Variants in HS3ST4 observed in about 807,000 individuals in gnomAD.
HS3ST4 encodes the protein heparan sulfate glucosamine 3-O-sulfotransferase 4.
HS3ST4 carries 17 observed loss-of-function variants against 29.2 expected under a neutral mutation model. That is an observed-to-expected ratio of 0.58 (90% CI 0.40 to 0.87). HS3ST4 has a LOEUF of 0.87. Among genes scored for constraint, HS3ST4 ranks in the 40% least tolerant of loss-of-function variants. The pLI, the probability that HS3ST4 is intolerant of heterozygous loss-of-function variation, is 0.00. For missense variants in HS3ST4, 627 were observed against 634.5 expected (o/e 0.99, Z 0.13); for synonymous variants, 314 against 285.7 (o/e 1.10, Z -1.00).
At chr16:25,854,789 CAA>C (rs34307442) in intron 1 of HS3ST4, among the ~76,000 whole-genome samples, 2 of 138,202 alleles carry the variant, frequency 1.4e-5, no homozygotes, top group Admixed American at 7.2e-5. Flanking sequence ...TGTTTGTTGA[CAA>C]AAAAAAAAAA....
At position 26,102,709 on chromosome 16, in the gene HS3ST4, A is replaced by G. The variant is rs573897857; in HGVS notation, c.735-32903A>G. Among the ~76,000 whole-genome samples, 17 of 152,322 alleles carry G rather than the reference A, an allele frequency of 1.1e-4. No individual in the cohort carries two copies. The South Asian group carries it at 2.1e-3, about 19-fold the overall frequency. ...TCTCTGGGTTTTAGCTTATTTGCTC[A>G]TGTTCTTTCTTGAGGATAAGAAAAG... On this transcript the variant is annotated intron_variant, in intron 1 of 1. Transcript: ENST00000331351.
At position 25,887,544 on chromosome 16, in the gene HS3ST4, T is replaced by A. The variant is rs1182709170; in HGVS notation, c.734+194393T>A. On this transcript the variant is annotated intron_variant, in intron 1 of 1. Transcript: ENST00000331351. ...TTCCCACATATTAATTACTGACTTGTGATGGGCACAGCTGGCTTCTGCAAC... is the reference window on the plus strand; with the variant it reads ...TTCCCACATATTAATTACTGACTTGAGATGGGCACAGCTGGCTTCTGCAAC... 2.0e-5 allele frequency among the ~76,000 whole-genome samples: 3 copies of A among 152,120 alleles called. No individual in the cohort carries two copies. The East Asian group carries it at 5.8e-4, about 29-fold the overall frequency.
chr16:25,877,493 C>T (rs1441255147), intron 1 of HS3ST4, among the ~76,000 whole-genome samples: 1 of 152,150 alleles, frequency 6.6e-6, no homozygotes, highest in Non-Finnish European at 1.5e-5. Context: ...TCCATTACCT[C>T]TCTGGTTATA....
chr16:26,069,554 A>G (rs1254047614), intron 1 of HS3ST4, among the ~76,000 whole-genome samples: 2 of 150,604 alleles, frequency 1.3e-5, no homozygotes, highest in African/African-American at 4.9e-5. Context: ...TCTTTTATAT[A>G]TATATATTTT....
At chr16:26,058,271 G>A (rs1161345091) in intron 1 of HS3ST4, among the ~76,000 whole-genome samples, 4 of 152,186 alleles carry the variant, frequency 2.6e-5, no homozygotes, top group African/African-American at 9.6e-5. Context: ...CAGTATCTGG[G>A]CATCAGCTCA....
intron 1 of HS3ST4, among the ~76,000 whole-genome samples, chr16:26,011,014 G>A (rs143023199): frequency 0.019 from 2,897 of 152,262 alleles, 51 homozygotes; most frequent in Middle Eastern, 0.037. Context: ...TCCACACAGT[G>A]TTCTGCCTAT....
chr16:26,118,327 G>A (rs1899225877), intron 1 of HS3ST4, among the ~76,000 whole-genome samples: 1 of 152,162 alleles, frequency 6.6e-6, no homozygotes, highest in South Asian at 2.1e-4. Context: ...CAATCCTTCT[G>A]CCTTGGACTC....
intron 1 of HS3ST4, among the ~76,000 whole-genome samples, chr16:26,120,707 C>T (rs1054828690): frequency 6.6e-6 from 1 of 152,132 alleles, no homozygotes; most frequent in African/African-American, 2.4e-5. Context: ...CATGATTGAC[C>T]CCAGCAACGC....
At chr16:25,994,114 C>T (rs1376920653) in intron 1 of HS3ST4, among the ~76,000 whole-genome samples, 1 of 151,884 alleles carries the variant, frequency 6.6e-6, no homozygotes, top group Admixed American at 6.6e-5. Context: ...TAATTACCTC[C>T]CAAAGGCTCC....
At position 25,692,188 on chromosome 16, in the gene HS3ST4, C is replaced by A. The variant is rs1966252913; in HGVS notation, c.-230C>A. 1 of 149,362 alleles carries A rather than the reference C, an allele frequency of 6.7e-6. No individual in the cohort carries two copies. Among genetic ancestry groups the A allele is most frequent in the African/African-American group, 2.5e-5 (1 of 40,768 alleles). 9.3% of individuals were successfully genotyped at this position (149,362 alleles called of 1,614,324 possible). On this transcript the variant is annotated 5_prime_UTR_variant, in exon 1 of 2. Coordinates refer to ENST00000331351, the MANE Select transcript of HS3ST4 (RefSeq NM_006040.3). ...GGCGGTGGTGGGGGGGCCACCCGGA[C>A]TCGGCGGGCAGCGTGGGGCGGGGGG...
chr16:25,713,546 A>G (rs967520077), intron 1 of HS3ST4, among the ~76,000 whole-genome samples: 1 of 150,768 alleles, frequency 6.6e-6, no homozygotes, highest in African/African-American at 2.5e-5. Flanking sequence ...ACAAACAAAC[A>G]AACAAACAAA....
chr16:26,025,639 A>G (rs1323606373), intron 1 of HS3ST4, among the ~76,000 whole-genome samples: 2 of 152,222 alleles, frequency 1.3e-5, no homozygotes, highest in African/African-American at 2.4e-5. Flanking sequence ...GGCAAATGCT[A>G]AAGGCTAGGG....
intron 1 of HS3ST4, among the ~76,000 whole-genome samples, chr16:25,837,370 A>G (rs1267626761): frequency 1.3e-5 from 2 of 152,218 alleles, no homozygotes; most frequent in Non-Finnish European, 2.9e-5. Flanking sequence ...TTTTTGCTGG[A>G]TAAGGAATAT....
chr16:25,729,048 A>T (rs1470701807), intron 1 of HS3ST4, among the ~76,000 whole-genome samples: 1 of 152,026 alleles, frequency 6.6e-6, no homozygotes, highest in Non-Finnish European at 1.5e-5. Flanking sequence ...GCACCACTGC[A>T]CTCCAGCCTG....
chr16:25,704,579 T>C (rs1706427642), intron 1 of HS3ST4, among the ~76,000 whole-genome samples: 1 of 152,186 alleles, frequency 6.6e-6, no homozygotes, highest in South Asian at 2.1e-4. Context: ...CTGCCTCTAG[T>C]AGCTGGACTA....
At chr16:25,811,418 T>G (rs1967040209) in intron 1 of HS3ST4, among the ~76,000 whole-genome samples, 1 of 139,548 alleles carries the variant, frequency 7.2e-6, no homozygotes, top group Non-Finnish European at 1.5e-5. Context: ...AACATTTTCT[T>G]CTTCTTTTTT....
intron 1 of HS3ST4, among the ~76,000 whole-genome samples, chr16:25,726,057 G>A (rs1966532853): frequency 6.6e-6 from 1 of 152,092 alleles, no homozygotes; most frequent in Non-Finnish European, 1.5e-5. Context: ...TACATTTTCT[G>A]TTCTTTCATT....
In HS3ST4 at chr16:26,054,269, G is replaced by GGAGAGAGAGAGA. The variant is rs58364733; in HGVS notation, c.735-81324_735-81313dup. Among the ~76,000 whole-genome samples the GGAGAGAGAGAGA allele has an allele frequency of 1.6e-3, 213 of 133,712 alleles. 4 individuals carry two copies. Among genetic ancestry groups the GGAGAGAGAGAGA allele is most frequent in the African/African-American group, 5.9e-3 (205 of 35,034 alleles). 87.7% of individuals were successfully genotyped at this position (133,712 alleles called of 152,430 possible). On this transcript the variant is annotated intron_variant, in intron 1 of 1. Coordinates refer to ENST00000331351, the MANE Select transcript of HS3ST4 (RefSeq NM_006040.3). ...GAAGGAGAGAGAGAGACAGAGAGAG[G>GGAGAGAGAGAGA]GAGAGAGAGAGAGAGAGAGAGAGAG...
At chr16:26,129,693 G>A (rs1246605080) in intron 1 of HS3ST4, among the ~76,000 whole-genome samples, 2 of 152,236 alleles carry the variant, frequency 1.3e-5, no homozygotes, top group East Asian at 3.9e-4. Context: ...AATTTGCCAA[G>A]GATCACACAG....
Sources: gnomAD v4.1 joint callset for allele counts (sites outside exome capture counted in the v4.1 genomes callset) on GRCh38, gnomAD v4.1.1 for gene constraint, MANE v1.5 for transcripts, NCBI Gene and HGNC (gene_info 2026-07-23, HGNC 2026-07-21) for gene names.